The following LHFPL6 variants were observed in gnomAD, a reference collection of about 807,000 sequenced individuals.
LHFPL6 encodes LHFPL tetraspan subfamily member 6 protein.
LHFPL6 carries 9 observed loss-of-function variants against 20.6 expected under a neutral mutation model. The observed-to-expected ratio is 0.44, with a 90% CI of 0.26 to 0.76. The LOEUF (loss-of-function observed/expected upper bound fraction) is 0.76. Ranked by LOEUF, LHFPL6 falls within the 30% of genes least tolerant of loss-of-function variation. LHFPL6 has a pLI of 0.20. For missense variants in LHFPL6, 218 were observed against 253.5 expected, an observed-to-expected ratio of 0.86 and a Z score of 0.95; for synonymous variants, 105 against 98.7, an observed-to-expected ratio of 1.06 and a Z score of -0.38.
At chr13:39,419,310 T>C (rs1406963105) in intron 2 of LHFPL6, among the ~76,000 whole-genome samples, 1 of 152,262 alleles carries the variant, frequency 6.6e-6, no homozygotes, top group Non-Finnish European at 1.5e-5. Flanking sequence ...CCCTAGTCCC[T>C]AAGTTTAAGC....
At chr13:39,527,240 C>T (rs549476089) in intron 2 of LHFPL6, among the ~76,000 whole-genome samples, 2 of 152,302 alleles carry the variant, frequency 1.3e-5, no homozygotes, top group East Asian at 3.9e-4. Context: ...TCCTTCATGT[C>T]TTTTTTTCCT....
At chr13:39,530,777 C>A (rs546896381) in intron 2 of LHFPL6, among the ~76,000 whole-genome samples, 41 of 151,666 alleles carry the variant, frequency 2.7e-4, no homozygotes, top group Non-Finnish European at 5.0e-4. Flanking sequence ...AATGATATTG[C>A]ATATCCGTGA....
At chr13:39,385,476 C>T (rs1870539991) in intron 2 of LHFPL6, among the ~76,000 whole-genome samples, 1 of 152,276 alleles carries the variant, frequency 6.6e-6, no homozygotes, top group Non-Finnish European at 1.5e-5. Context: ...TGTTCTTTAG[C>T]TCCAAATGGG....
intron 2 of LHFPL6, among the ~76,000 whole-genome samples, chr13:39,484,384 G>C (rs888166690): frequency 6.6e-6 from 1 of 152,068 alleles, no homozygotes; most frequent in Admixed American, 6.6e-5. Flanking sequence ...TTAGTTTGCT[G>C]CTGTTGTTAG....
At chr13:39,458,318 C>T (rs763540598) in intron 2 of LHFPL6, among the ~76,000 whole-genome samples, 27 of 151,912 alleles carry the variant, frequency 1.8e-4, no homozygotes, top group Admixed American at 8.5e-4. Context: ...AAAGAGGTTA[C>T]GGGAAAAACA....
intron 2 of LHFPL6, among the ~76,000 whole-genome samples, chr13:39,440,560 T>C (rs949330944): frequency 6.6e-6 from 1 of 152,202 alleles, no homozygotes; most frequent in Non-Finnish European, 1.5e-5. Context: ...GTTACATAGA[T>C]AGGCCCTTTC....
At chr13:39,509,542 T>A (rs1363658729) in intron 2 of LHFPL6, among the ~76,000 whole-genome samples, 1 of 152,208 alleles carries the variant, frequency 6.6e-6, no homozygotes, top group Non-Finnish European at 1.5e-5. Flanking sequence ...TTGATTTTTT[T>A]ATTTTGCTAT....
chr13:39,365,610 C>T (rs1444747325), intron 3 of LHFPL6, among the ~76,000 whole-genome samples: 2 of 152,146 alleles, frequency 1.3e-5, no homozygotes, highest in Non-Finnish European at 2.9e-5. Flanking sequence ...AAGCAAGTCT[C>T]GGAACAAATC....
At chr13:39,465,958 C>CCATACTGTGACTGGGA (rs1872795400) in intron 2 of LHFPL6, among the ~76,000 whole-genome samples, 1 of 151,998 alleles carries the variant, frequency 6.6e-6, no homozygotes, top group Non-Finnish European at 1.5e-5. Context: ...GCTTCCTCCA[C>CCATACTGTGACTGGGA]CATACTGTGA....
At chr13:39,448,255 C>A (rs1173319814) in intron 2 of LHFPL6, among the ~76,000 whole-genome samples, 2 of 152,188 alleles carry the variant, frequency 1.3e-5, no homozygotes, top group African/African-American at 4.8e-5. Context: ...TAAATATGCT[C>A]TTGTCTATTG....
chr13:39,424,785 C>T (rs1871594625), intron 2 of LHFPL6, among the ~76,000 whole-genome samples: 1 of 152,062 alleles, frequency 6.6e-6, no homozygotes, highest in Non-Finnish European at 1.5e-5. Context: ...AGAGAGAGGG[C>T]ACTGCACATT....
intron 2 of LHFPL6, among the ~76,000 whole-genome samples, chr13:39,511,048 T>C (rs1045501347): frequency 6.6e-6 from 1 of 152,092 alleles, no homozygotes; most frequent in African/African-American, 2.4e-5. Context: ...AATTTTTGTA[T>C]TTTTGGTAGA....
At position 39,500,007 on chromosome 13, in the gene LHFPL6, CT is replaced by C. The variant is rs987174968; in HGVS notation, c.385+100824del. On this transcript the variant is annotated intron_variant, in intron 2 of 3. Transcript: ENST00000379589. ...CCTGCAAAATCCAAATGAGTTTATT[CT>C]TTTTTTTTTTAATCAAACTCCTCTC... Among the ~76,000 whole-genome samples, 221 of 146,266 alleles carry C rather than the reference CT, an allele frequency of 1.5e-3. 1 individual carries two copies. The highest frequency in any genetic ancestry group is 3.5e-3 in the Middle Eastern group (1 of 284).
intron 2 of LHFPL6, among the ~76,000 whole-genome samples, chr13:39,392,322 C>T (rs758939550): frequency 2.0e-5 from 3 of 152,168 alleles, no homozygotes; most frequent in Non-Finnish European, 2.9e-5. Flanking sequence ...TGGCCGGGCG[C>T]GGTGGCTCAT....
intron 2 of LHFPL6, among the ~76,000 whole-genome samples, chr13:39,592,423 A>C (rs533630057): frequency 6.6e-6 from 1 of 152,346 alleles, no homozygotes; most frequent in African/African-American, 2.4e-5. Context: ...TGAAACCAGG[A>C]AGAAGTTGAA....
At chr13:39,585,737 T>C (rs1409731913) in intron 2 of LHFPL6, among the ~76,000 whole-genome samples, 2 of 152,222 alleles carry the variant, frequency 1.3e-5, no homozygotes, top group Admixed American at 6.5e-5. Flanking sequence ...GTTTGCCCAA[T>C]GGGACTCTCT....
intron 2 of LHFPL6, among the ~76,000 whole-genome samples, chr13:39,598,396 A>G (rs1346385813): frequency 6.6e-6 from 1 of 151,616 alleles, no homozygotes; most frequent in South Asian, 2.1e-4. Flanking sequence ...ATTTACTGTT[A>G]TCTTTGGTAA....
At chr13:39,458,228 G>A (rs372060061) in intron 2 of LHFPL6, among the ~76,000 whole-genome samples, 1 of 151,882 alleles carries the variant, frequency 6.6e-6, no homozygotes, top group African/African-American at 2.4e-5. Context: ...AATGAGAGAG[G>A]AATGCCAACC....
At chr13:39,547,455 G>C (rs1435357439) in intron 2 of LHFPL6, among the ~76,000 whole-genome samples, 1 of 152,122 alleles carries the variant, frequency 6.6e-6, no homozygotes, top group Non-Finnish European at 1.5e-5. Flanking sequence ...GCTGAGATCA[G>C]GGTTGTGGTC....
Sources: gnomAD v4.1 joint callset for allele counts (sites outside exome capture counted in the v4.1 genomes callset) on GRCh38, gnomAD v4.1.1 for gene constraint, MANE v1.5 for transcripts, NCBI Gene and HGNC (gene_info 2026-07-23, HGNC 2026-07-21) for gene names.